The following TMEM132C variants were observed in gnomAD, a reference collection of about 807,000 sequenced individuals.
The protein encoded by TMEM132C is transmembrane protein 132C.
TMEM132C carries 29 observed loss-of-function variants against 61.4 expected under a neutral mutation model. That is an observed-to-expected ratio of 0.47 (90% confidence interval 0.35 to 0.64). TMEM132C has a LOEUF of 0.64. Ranked by LOEUF, TMEM132C falls within the 30% of genes least tolerant of loss-of-function variation. The probability of loss-of-function intolerance (pLI) is 0.00; values close to 1 mark genes in which losing one functional copy is unlikely to be tolerated. For synonymous variants in TMEM132C, 656 were observed against 633.1 expected (o/e 1.04, Z -0.54); for missense variants, 1,408 against 1,476.9 (o/e 0.95, Z 0.76).
intron 4 of TMEM132C, among the ~76,000 whole-genome samples, chr12:128,644,408 A>G (rs1217011461): frequency 6.6e-6 from 1 of 152,258 alleles, no homozygotes; most frequent in African/African-American, 2.4e-5. Context: ...TGATTTGGCA[A>G]TCAAATAGAA....
chr12:128,578,876 G>T (rs980849926), intron 3 of TMEM132C, among the ~76,000 whole-genome samples: 1 of 152,126 alleles, frequency 6.6e-6, no homozygotes, highest in South Asian at 2.1e-4. Context: ...GGGATTAGAG[G>T]CGTGAGCCAC....
At chr12:128,328,786 TAAAAA>T (rs71069557) in intron 1 of TMEM132C, among the ~76,000 whole-genome samples, 21 of 94,232 alleles carry the variant, frequency 2.2e-4, no homozygotes, top group African/African-American at 7.8e-4. Flanking sequence ...GATTCTGTCT[TAAAAA>T]AAAAAAAAAA....
chr12:128,315,942 G>A (rs1364464276), intron 1 of TMEM132C, among the ~76,000 whole-genome samples: 1 of 151,920 alleles, frequency 6.6e-6, no homozygotes, highest in African/African-American at 2.4e-5. Context: ...CTAAGAGCGA[G>A]TGTGGACCTG....
chr12:128,560,316 G>A (rs1874467756), intron 3 of TMEM132C, among the ~76,000 whole-genome samples: 1 of 152,168 alleles, frequency 6.6e-6, no homozygotes, highest in South Asian at 2.1e-4. Flanking sequence ...AAGCTTGGTT[G>A]TGGCCTGCAA....
chr12:128,470,648 T>C (rs1870919593), intron 2 of TMEM132C, among the ~76,000 whole-genome samples: 1 of 152,220 alleles, frequency 6.6e-6, no homozygotes, highest in South Asian at 2.1e-4. Context: ...CAGCTGCATG[T>C]ATGGGGAATA....
intron 2 of TMEM132C, among the ~76,000 whole-genome samples, chr12:128,524,274 A>G (rs533133800): frequency 6.6e-6 from 1 of 152,308 alleles, no homozygotes; most frequent in East Asian, 1.9e-4. Context: ...CCTAGTCAGC[A>G]TGTAACACGA....
At chr12:128,538,343 G>C (rs7306569) in intron 2 of TMEM132C, among the ~76,000 whole-genome samples, 84,473 of 151,968 alleles carry the variant, frequency 0.56, 24,480 homozygotes, top group Middle Eastern at 0.64. Flanking sequence ...AGGCTGGTCT[G>C]GAACTCCTGA....
chr12:128,267,549 T>TCGGGGTGAGGGCAGC, intron 1 of TMEM132C, 62 bp downstream of exon 1: 1 of 1,188,720 alleles, frequency 8.4e-7, no homozygotes, highest in Non-Finnish European at 1.0e-6. Context: ...CCGGGGGAGC[T>TCGGGGTGAGGGCAGC]CGGGGTGAGG....
chr12:128,330,414 A>T (rs986757777), intron 1 of TMEM132C, among the ~76,000 whole-genome samples: 1 of 152,126 alleles, frequency 6.6e-6, no homozygotes, highest in Non-Finnish European at 1.5e-5. Context: ...TAGGGCCGGC[A>T]TAGTGGTGTG....
At chr12:128,610,418 T>C (rs1374545181) in intron 3 of TMEM132C, among the ~76,000 whole-genome samples, 3 of 152,342 alleles carry the variant, frequency 2.0e-5, no homozygotes, top group East Asian at 3.9e-4. Flanking sequence ...AGAGGTTTGG[T>C]AAATTAGGTT....
chr12:128,546,551 G>A (rs1022064004), intron 3 of TMEM132C, among the ~76,000 whole-genome samples: 5 of 152,134 alleles, frequency 3.3e-5, no homozygotes, highest in African/African-American at 1.2e-4. Context: ...CATTGTGCAT[G>A]AGTTTCCACA....
At chr12:128,291,248 A>C (rs143127309) in intron 1 of TMEM132C, among the ~76,000 whole-genome samples, 1 of 152,216 alleles carries the variant, frequency 6.6e-6, no homozygotes, top group Non-Finnish European at 1.5e-5. Flanking sequence ...CCCAGGAGTC[A>C]TGACACAAAT....
At chr12:128,409,083 G>A (rs1868422771) in intron 1 of TMEM132C, among the ~76,000 whole-genome samples, 2 of 152,296 alleles carry the variant, frequency 1.3e-5, no homozygotes, top group African/African-American at 2.4e-5. Context: ...CAGAAGCAAG[G>A]AGATGGGCTT....
In TMEM132C at chr12:128,705,943, A is replaced by C. The variant is rs935638341; in HGVS notation, c.2975A>C (p.Asp992Ala). Reference sequence around the variant, plus strand: ...ATGGGGGATGCGCCGCCGCCCCAGGACGAGCACACCACCATCATAGACCGC... The same window carrying C: ...ATGGGGGATGCGCCGCCGCCCCAGGCCGAGCACACCACCATCATAGACCGC... ...ESMGDAPPPQDEHTTIIDRGP... is the reference protein window; with the variant it reads ...ESMGDAPPPQAEHTTIIDRGP... Residue 992 changes from aspartate to alanine, a missense_variant, in exon 9 of 9, where the codon GAC becomes GCC. Physicochemically the swap from Asp to Ala is moderately radical, Grantham distance 126. Coordinates refer to ENST00000435159, the MANE Select transcript of TMEM132C (RefSeq NM_001136103.3). The C allele has an allele frequency of 1.6e-5, 25 of 1,551,360 alleles. No individual in the cohort carries two copies. Among genetic ancestry groups the C allele is most frequent in the Non-Finnish European group, 1.8e-5 (21 of 1,146,958 alleles).
chr12:128,465,671 C>T (rs1011206974), intron 2 of TMEM132C, among the ~76,000 whole-genome samples: 1 of 152,224 alleles, frequency 6.6e-6, no homozygotes, highest in Non-Finnish European at 1.5e-5. Context: ...CCCAGGCCTG[C>T]CCTCACGAGC....
At chr12:128,366,973 C>T (rs953010024) in intron 1 of TMEM132C, among the ~76,000 whole-genome samples, 1 of 152,106 alleles carries the variant, frequency 6.6e-6, no homozygotes, top group African/African-American at 2.4e-5. Flanking sequence ...GGAGTGAGGA[C>T]CTGGGGAAGA....
At chr12:128,440,559 T>G (rs1480853735) in intron 2 of TMEM132C, among the ~76,000 whole-genome samples, 1 of 152,204 alleles carries the variant, frequency 6.6e-6, no homozygotes, top group Non-Finnish European at 1.5e-5. Flanking sequence ...CCCTCCAAAA[T>G]CATCCCCTCT....
chr12:128,679,901 T>C (rs763198689), intron 5 of TMEM132C, among the ~76,000 whole-genome samples: 1 of 152,118 alleles, frequency 6.6e-6, no homozygotes, highest in African/African-American at 2.4e-5. Flanking sequence ...TCAACCATCA[T>C]GGAAGCTTCT....
intron 1 of TMEM132C, among the ~76,000 whole-genome samples, chr12:128,358,269 C>T (rs1042558434): frequency 2.6e-5 from 4 of 152,186 alleles, no homozygotes; most frequent in African/African-American, 4.8e-5. Flanking sequence ...AAGATTCCTA[C>T]ATATGCACAG....
Sources: gnomAD v4.1 joint callset for allele counts (sites outside exome capture counted in the v4.1 genomes callset) on GRCh38, gnomAD v4.1.1 for gene constraint, MANE v1.5 for transcripts, NCBI Gene and HGNC (gene_info 2026-07-23, HGNC 2026-07-21) for gene names.